LGR6: variants seen among roughly 807,000 people sequenced by gnomAD.
LGR6 encodes the protein leucine-rich repeat-containing G protein-coupled receptor 6.
In LGR6, 45 loss-of-function variants were observed where a neutral mutation model predicts 69.4. That is an observed-to-expected ratio of 0.65 (90% CI 0.51 to 0.83). The LOEUF (loss-of-function observed/expected upper bound fraction) is 0.83. Among genes scored for constraint, LGR6 ranks in the 40% least tolerant of loss-of-function variants. LGR6 has a pLI of 0.00. For missense variants in LGR6, 1,108 were observed against 1,246.7 expected (o/e 0.89, Z 1.68); for synonymous variants, 538 against 555.0 (o/e 0.97, Z 0.43).
intron 16 of LGR6, among the ~76,000 whole-genome samples, chr1:202,312,548 A>G (rs1025853344): frequency 1.3e-5 from 2 of 152,232 alleles, no homozygotes; most frequent in Non-Finnish European, 2.9e-5. Flanking sequence ...GGATCCACAC[A>G]GGAAACAGAC....
intron 4 of LGR6, among the ~76,000 whole-genome samples, chr1:202,237,511 TAA>T (rs1661679271): frequency 6.6e-6 from 1 of 152,228 alleles, no homozygotes; most frequent in African/African-American, 2.4e-5. Flanking sequence ...GGTTGTTAAT[TAA>T]GTTTACTTTT....
chr1:202,313,508 A>G (rs951901017), intron 16 of LGR6, among the ~76,000 whole-genome samples: 11 of 151,928 alleles, frequency 7.2e-5, no homozygotes, highest in Admixed American at 3.3e-4. Context: ...ATTCTAGTCT[A>G]TTGCTGTGAG....
At chr1:202,257,033 A>T (rs1663831134) in intron 4 of LGR6, among the ~76,000 whole-genome samples, 2 of 152,108 alleles carry the variant, frequency 1.3e-5, no homozygotes, top group Admixed American at 6.5e-5. Context: ...GTCTATTTAG[A>T]TCCCTTGCCT....
Position 202,247,969 on chromosome 1 carries a change from A to G in LGR6, c.428+11976A>G, listed in dbSNP as rs546230712. 2.6e-5 allele frequency among the ~76,000 whole-genome samples: 4 copies of G among 152,296 alleles called. No homozygotes were observed. In the East Asian group the frequency reaches 5.8e-4, roughly 22 times the overall value. On this transcript the variant is annotated intron_variant, in intron 4 of 17. Transcript: ENST00000367278. ...GCGCCTCAGCCATCCTGATGAGAGAAGAAGGGTCGGGGGCTGGGAAAGTGT... is the reference window on the plus strand; with the variant it reads ...GCGCCTCAGCCATCCTGATGAGAGAGGAAGGGTCGGGGGCTGGGAAAGTGT...
At chr1:202,202,853 C>A (rs541362086) in intron 1 of LGR6, among the ~76,000 whole-genome samples, 4 of 152,206 alleles carry the variant, frequency 2.6e-5, no homozygotes, top group Non-Finnish European at 4.4e-5. Flanking sequence ...TTCCCCTTTG[C>A]CCTTGGAGGT....
At chr1:202,310,976 T>A (rs974675969) in intron 16 of LGR6, among the ~76,000 whole-genome samples, 1 of 152,010 alleles carries the variant, frequency 6.6e-6, no homozygotes, top group Non-Finnish European at 1.5e-5. Context: ...GCCATCTGTG[T>A]TTCTGGAAGA....
chr1:202,278,785 G>A (rs953449124), intron 5 of LGR6, among the ~76,000 whole-genome samples: 3 of 152,156 alleles, frequency 2.0e-5, no homozygotes, highest in African/African-American at 7.2e-5. Context: ...CAAGCAGGGT[G>A]GAGGAGAAGG....
At chr1:202,311,826 CG>C (rs1558085965) in intron 16 of LGR6, among the ~76,000 whole-genome samples, 3 of 152,100 alleles carry the variant, frequency 2.0e-5, no homozygotes. Flanking sequence ...CTGTGGAGTC[CG>C]GGGCACAGTG....
intron 1 of LGR6, among the ~76,000 whole-genome samples, chr1:202,208,333 C>G (rs1659332789): frequency 6.6e-6 from 1 of 151,684 alleles, no homozygotes; most frequent in Non-Finnish European, 1.5e-5. Flanking sequence ...TTCCTGACCC[C>G]AGGATATTAC....
chr1:202,261,583 C>G lies in LGR6; in HGVS notation c.429-14723C>G, dbSNP rs558169173. On this transcript the variant is annotated intron_variant, in intron 4 of 17. Coordinates refer to ENST00000367278, the MANE Select transcript of LGR6 (RefSeq NM_001017403.2). ...CTTTATAACAGCATGATTTATAGTC[C>G]TTTGGGTATATACCCAGTAACGGGA... 5.9e-5 allele frequency among the ~76,000 whole-genome samples: 9 copies of G among 152,264 alleles called. No individual in the cohort carries two copies. In the East Asian group the frequency reaches 1.5e-3, roughly 26 times the overall value.
rs1653112402 is a variant in LGR6, at chr1:202,305,661, C to T, written c.1071-23C>T. 3.1e-6 allele frequency: 5 copies of T among 1,611,090 alleles called. No individual in the cohort carries two copies. In the South Asian group the frequency reaches 5.5e-5, roughly 18 times the overall value. On this transcript the variant is annotated intron_variant, in intron 11 of 17. Transcript: ENST00000367278. Reference sequence around the variant, plus strand: ...CAGATAGCCACCATTTCACCCCAGCCCTGGCCTTTCTCTTTTCCCCAGGGA... The same window carrying T: ...CAGATAGCCACCATTTCACCCCAGCTCTGGCCTTTCTCTTTTCCCCAGGGA...
At chr1:202,239,502 G>A (rs1260935358) in intron 4 of LGR6, among the ~76,000 whole-genome samples, 2 of 152,052 alleles carry the variant, frequency 1.3e-5, no homozygotes, top group African/African-American at 4.8e-5. Context: ...TCTTAAGACA[G>A]CGGGGAGCCA....
At chr1:202,208,651 G>A (rs148967252) in intron 1 of LGR6, among the ~76,000 whole-genome samples, 6 of 152,138 alleles carry the variant, frequency 3.9e-5, no homozygotes, top group Non-Finnish European at 8.8e-5. Context: ...CCGACGCCAC[G>A]CCAGCCCTCG....
At chr1:202,254,922 A>AGTT (rs1663640528) in intron 4 of LGR6, among the ~76,000 whole-genome samples, 1 of 151,370 alleles carries the variant, frequency 6.6e-6, no homozygotes, top group African/African-American at 2.4e-5. Flanking sequence ...AAAAGGAAAG[A>AGTT]GAAAAGAGTT....
At chr1:202,288,367 C>G (rs1054960027) in intron 6 of LGR6, among the ~76,000 whole-genome samples, 3 of 152,202 alleles carry the variant, frequency 2.0e-5, no homozygotes, top group African/African-American at 7.2e-5. Flanking sequence ...TAATTGCCTG[C>G]CCCTTACCGC....
intron 3 of LGR6, among the ~76,000 whole-genome samples, chr1:202,232,804 G>C (rs1365239432): frequency 6.6e-6 from 1 of 152,230 alleles, no homozygotes; most frequent in Non-Finnish European, 1.5e-5. Flanking sequence ...TGGCCCGAGA[G>C]ACAGGACTTG....
At chr1:202,208,006 A>G (rs1659319972) in intron 1 of LGR6, among the ~76,000 whole-genome samples, 1 of 152,190 alleles carries the variant, frequency 6.6e-6, no homozygotes, top group South Asian at 2.1e-4. Flanking sequence ...GGACTTGGGA[A>G]ATCCTACCAC....
At chr1:202,244,825 G>A (rs977618921) in intron 4 of LGR6, among the ~76,000 whole-genome samples, 1 of 152,216 alleles carries the variant, frequency 6.6e-6, no homozygotes, top group Non-Finnish European at 1.5e-5. Context: ...AGCACTTGGG[G>A]GTAAGAAGCT....
In LGR6 at chr1:202,308,001, C is replaced by T. The variant is rs563721609; in HGVS notation, c.1280+600C>T. On this transcript the variant is annotated intron_variant, in intron 14 of 17. Coordinates refer to ENST00000367278, the MANE Select transcript of LGR6 (RefSeq NM_001017403.2). Reference sequence around the variant, plus strand: ...TCCTGCCCAAGAGGGAGCTGACATCCTGCCACCTCCTTGCCAAGCTGGACT... The same window carrying T: ...TCCTGCCCAAGAGGGAGCTGACATCTTGCCACCTCCTTGCCAAGCTGGACT... Among the ~76,000 whole-genome samples, 8 of 152,344 alleles carry T rather than the reference C, an allele frequency of 5.3e-5. No homozygotes were observed. The East Asian group carries it at 1.4e-3, about 26-fold the overall frequency.
Sources: allele counts gnomAD v4.1 joint callset (sites outside exome capture counted in the v4.1 genomes callset), GRCh38; gene constraint gnomAD v4.1.1; transcripts MANE v1.5; gene names NCBI Gene and HGNC (gene_info 2026-07-23, HGNC 2026-07-21).